Variants in RGS7BP observed in about 807,000 individuals in gnomAD.
RGS7BP encodes the protein regulator of G protein signaling 7 binding protein, also known as regulator of G protein signaling 7-binding protein.
A neutral mutation model predicts 31.3 loss-of-function variants in RGS7BP; 9 were observed. That is an observed-to-expected ratio of 0.29 (90% confidence interval 0.17 to 0.50). The LOEUF (loss-of-function observed/expected upper bound fraction) is 0.50, where lower values mean the gene tolerates loss of function less well. Ranked by LOEUF, RGS7BP falls within the 20% of genes least tolerant of loss-of-function variation. The pLI is 0.98. For synonymous variants in RGS7BP, 115 were observed against 120.1 expected, an observed-to-expected ratio of 0.96 and a Z score of 0.28; for missense variants, 274 against 322.0, an observed-to-expected ratio of 0.85 and a Z score of 1.14.
chr5:64,514,512 A>G (rs1162855202), intron 2 of RGS7BP, among the ~76,000 whole-genome samples: 2 of 152,206 alleles, frequency 1.3e-5, no homozygotes, highest in Non-Finnish European at 2.9e-5. Context: ...CATCTGCAAG[A>G]TCGTAACTCA....
chr5:64,551,454 G>A (rs1482241327), intron 2 of RGS7BP, among the ~76,000 whole-genome samples: 1 of 151,298 alleles, frequency 6.6e-6, no homozygotes, highest in African/African-American at 2.4e-5. Flanking sequence ...GTAGAGACAG[G>A]GTTTCACCAT....
intron 2 of RGS7BP, among the ~76,000 whole-genome samples, chr5:64,568,066 T>C (rs1052857114): frequency 5.9e-5 from 9 of 151,734 alleles, no homozygotes; most frequent in African/African-American, 2.2e-4. Flanking sequence ...TTTAAAATAA[T>C]ATATAGATAT....
At chr5:64,522,707 A>G (rs183272866) in intron 2 of RGS7BP, among the ~76,000 whole-genome samples, 3 of 152,340 alleles carry the variant, frequency 2.0e-5, no homozygotes, top group African/African-American at 7.2e-5. Flanking sequence ...TCTGAGGATG[A>G]AATATGTTTT....
At chr5:64,553,313 C>T (rs1283286391) in intron 2 of RGS7BP, among the ~76,000 whole-genome samples, 3 of 151,500 alleles carry the variant, frequency 2.0e-5, no homozygotes, top group Non-Finnish European at 4.4e-5. Context: ...GCTGGGATTA[C>T]AGGCATGTGC....
chr5:64,598,624 G>A (rs1479912409), intron 5 of RGS7BP, among the ~76,000 whole-genome samples, 189 bp downstream of exon 5: 1 of 152,072 alleles, frequency 6.6e-6, no homozygotes, highest in Admixed American at 6.6e-5. Context: ...TGCTCTGAGG[G>A]GGCCCAAGGT....
At chr5:64,552,564 T>C (rs1297026014) in intron 2 of RGS7BP, among the ~76,000 whole-genome samples, 2 of 152,236 alleles carry the variant, frequency 1.3e-5, no homozygotes, top group East Asian at 3.8e-4. Flanking sequence ...GAATTGCCTC[T>C]ATACATGAAA....
At position 64,611,984 on chromosome 5, in the gene RGS7BP, T is replaced by C. The variant is rs62372279; in HGVS notation, c.*2732T>C. ...GGTTAAGAAGAGAACATTGAACTCATTTTGTCGCATGTACCCACAGGCTTG... is the reference window on the plus strand; with the variant it reads ...GGTTAAGAAGAGAACATTGAACTCACTTTGTCGCATGTACCCACAGGCTTG... On this transcript the variant is annotated 3_prime_UTR_variant, in exon 6 of 6. Coordinates refer to ENST00000334025, the MANE Select transcript of RGS7BP (RefSeq NM_001029875.3). The C allele has an allele frequency of 0.015, 2,245 of 152,278 alleles. 28 individuals carry two copies. Among genetic ancestry groups the C allele is most frequent in the Non-Finnish European group, 0.025 (1,698 of 67,878 alleles). 9.4% of individuals were successfully genotyped at this position (152,278 alleles called of 1,614,324 possible).
At chr5:64,535,962 G>A (rs890654221) in intron 2 of RGS7BP, among the ~76,000 whole-genome samples, 1 of 152,200 alleles carries the variant, frequency 6.6e-6, no homozygotes, top group Non-Finnish European at 1.5e-5. Context: ...ATGTAGACAA[G>A]CCCTTGGGGG....
intron 5 of RGS7BP, among the ~76,000 whole-genome samples, chr5:64,603,973 T>C (rs1366590951): frequency 1.3e-5 from 2 of 152,194 alleles, no homozygotes; most frequent in Non-Finnish European, 2.9e-5. Context: ...GAAGAAGGGC[T>C]TGCCATTTGT....
chr5:64,522,847 T>C (rs1749141658), intron 2 of RGS7BP, among the ~76,000 whole-genome samples: 1 of 152,200 alleles, frequency 6.6e-6, no homozygotes, highest in Non-Finnish European at 1.5e-5. Flanking sequence ...TATTTAGGTG[T>C]AATCTTTCCA....
At chr5:64,565,508 G>GT (rs1055057219) in intron 2 of RGS7BP, among the ~76,000 whole-genome samples, 11 of 151,438 alleles carry the variant, frequency 7.3e-5, no homozygotes, top group South Asian at 2.1e-4. Context: ...TTATAAAATA[G>GT]TTTTTTTTAA....
At chr5:64,521,446 G>A (rs1256110590) in intron 2 of RGS7BP, among the ~76,000 whole-genome samples, 1 of 151,896 alleles carries the variant, frequency 6.6e-6, no homozygotes, top group African/African-American at 2.4e-5. Context: ...TAGTAGAGAC[G>A]GGGTTTCACC....
intron 5 of RGS7BP, among the ~76,000 whole-genome samples, chr5:64,604,012 G>A (rs1452925163): frequency 1.3e-5 from 2 of 152,208 alleles, no homozygotes; most frequent in Non-Finnish European, 2.9e-5. Flanking sequence ...TCTGAAAAGA[G>A]AGGTGGCAAG....
At chr5:64,596,009 G>C (rs1743055541) in intron 4 of RGS7BP, among the ~76,000 whole-genome samples, 5 of 152,096 alleles carry the variant, frequency 3.3e-5, no homozygotes, top group African/African-American at 1.2e-4. Context: ...ATGAGGGAGT[G>C]ATTTATCTTA....
intron 2 of RGS7BP, among the ~76,000 whole-genome samples, chr5:64,564,624 A>G (rs1742127857): frequency 6.6e-6 from 1 of 152,134 alleles, no homozygotes; most frequent in African/African-American, 2.4e-5. Flanking sequence ...TTATTGAGGA[A>G]ATTCTACTCC....
At chr5:64,525,993 T>C (rs1217724166) in intron 2 of RGS7BP, among the ~76,000 whole-genome samples, 1 of 152,098 alleles carries the variant, frequency 6.6e-6, no homozygotes, top group African/African-American at 2.4e-5. Context: ...TTTGCTGTAG[T>C]TTCTAATGTT....
chr5:64,515,995 G>T (rs1470995422), intron 2 of RGS7BP, among the ~76,000 whole-genome samples: 1 of 151,894 alleles, frequency 6.6e-6, no homozygotes, highest in East Asian at 1.9e-4. Context: ...TAGAGACTGG[G>T]GTCTTGCTAT....
intron 2 of RGS7BP, among the ~76,000 whole-genome samples, chr5:64,528,631 G>T (rs1749290870): frequency 1.3e-5 from 2 of 151,862 alleles, no homozygotes; most frequent in Non-Finnish European, 2.9e-5. Flanking sequence ...GGCCAACATG[G>T]TGAAACCCCG....
intron 2 of RGS7BP, among the ~76,000 whole-genome samples, chr5:64,574,805 A>G (rs2111897032): frequency 6.6e-6 from 1 of 152,346 alleles, no homozygotes. Flanking sequence ...CCCACATTAC[A>G]AAGAAACCAA....
Sources: gnomAD v4.1 joint callset for allele counts (sites outside exome capture counted in the v4.1 genomes callset) on GRCh38, gnomAD v4.1.1 for gene constraint, MANE v1.5 for transcripts, NCBI Gene and HGNC (gene_info 2026-07-23, HGNC 2026-07-21) for gene names.